The following DNAI3 variants were observed in gnomAD, a reference collection of about 807,000 sequenced individuals.
The protein encoded by DNAI3 is WD repeat domain 63.
In DNAI3, 83 loss-of-function variants were observed where a neutral mutation model predicts 115.5. The observed-to-expected ratio is 0.72, with a 90% confidence interval of 0.60 to 0.86. The LOEUF is 0.86. DNAI3 is among the 40% of genes least tolerant of loss of function. The probability of loss-of-function intolerance (pLI) is 0.00; values close to 1 mark genes in which losing one functional copy is unlikely to be tolerated. For synonymous variants in DNAI3, 320 were observed against 347.0 expected (o/e 0.92, Z 0.86); for missense variants, 1,004 against 1,075.8 (o/e 0.93, Z 0.93).
chr1:85,091,233 G>C (rs975104111), intron 8 of DNAI3, among the ~76,000 whole-genome samples: 1 of 152,152 alleles, frequency 6.6e-6, no homozygotes, highest in Non-Finnish European at 1.5e-5. Flanking sequence ...TATTCAAAAT[G>C]AGAAGTTTGT....
chr1:85,131,403 C>A (rs909463035), intron 22 of DNAI3, among the ~76,000 whole-genome samples: 28 of 142,736 alleles, frequency 2.0e-4, no homozygotes, highest in African/African-American at 7.5e-4. Context: ...GAGATTGTGC[C>A]ATTGCACTCC....
intron 2 of DNAI3, among the ~76,000 whole-genome samples, chr1:85,072,703 C>T (rs1234296536): frequency 1.3e-5 from 2 of 149,532 alleles, no homozygotes; most frequent in East Asian, 3.9e-4. Context: ...CGCCTGTAAT[C>T]CCAGCACTTT....
chr1:85,110,654 C>G (rs914908687), intron 16 of DNAI3, among the ~76,000 whole-genome samples: 2 of 151,934 alleles, frequency 1.3e-5, no homozygotes, highest in Non-Finnish European at 2.9e-5. Flanking sequence ...AAAAAAGATT[C>G]AGTTCATTTC....
At chr1:85,087,427 T>A in intron 7 of DNAI3, among the ~76,000 whole-genome samples, 1 of 87,436 alleles carries the variant, frequency 1.1e-5, no homozygotes, top group African/African-American at 4.7e-5. Flanking sequence ...AGAGCTAGAC[T>A]CCATCTCAAA....
At chr1:85,096,160 G>A in intron 11 of DNAI3, 140 bp downstream of exon 11, 1 of 722,732 alleles carries the variant, frequency 1.4e-6, no homozygotes, top group South Asian at 1.7e-5. Flanking sequence ...CACCACACCA[G>A]GAAGCAGGGT....
chr1:85,128,799 G>A lies in DNAI3; in HGVS notation c.2409G>A (p.Glu803=), dbSNP rs537052335. ...CATTAAGTCGCCCTTCCACCAATGA[G>A]GTTAGTAACTAACTTATGACTTTGA... ...PWTLSRPSTN[E]MASVNHYFER... Residue 803 remains glutamate, a splice_region_variant and synonymous_variant, in exon 21 of 23, where the codon GAG becomes GAA. Coordinates refer to ENST00000294664, the MANE Select transcript of DNAI3 (RefSeq NM_145172.5). 1 of 1,609,460 alleles carries A rather than the reference G, an allele frequency of 6.2e-7. No individual in the cohort carries two copies. Among genetic ancestry groups the A allele is most frequent in the South Asian group, 1.1e-5 (1 of 90,478 alleles).
chr1:85,078,973 A>G (rs1247028187), intron 3 of DNAI3, among the ~76,000 whole-genome samples: 2 of 152,234 alleles, frequency 1.3e-5, no homozygotes, highest in African/African-American at 4.8e-5. Context: ...GGCAGATAAC[A>G]TAGAAAACAA....
rs143304188 is a variant in DNAI3, at chr1:85,130,062, C to T, written c.2482C>T (p.Arg828Cys). The change falls in exon 22 of 23, where the codon CGT (arginine) becomes TGT (cysteine). Residue 828 changes from arginine to cysteine, a missense_variant. This residue lies in a region of DNAI3 where 429 missense variants were observed against 454.3 expected (regional missense o/e 0.94). Coordinates refer to ENST00000294664, the MANE Select transcript of DNAI3 (RefSeq NM_145172.5). ...ATACGTAGAACAGCGCAAAAAAATT[C>T]GTGAGCAAGAAAAGAAAGAAATGGA... ...LEYVEQRKKI[R>C]EQEKKEMELE... 3.8e-5 allele frequency: 62 copies of T among 1,613,412 alleles called. No homozygotes were observed. The highest frequency in any genetic ancestry group is 6.6e-5 in the South Asian group (6 of 90,998).
intron 13 of DNAI3, among the ~76,000 whole-genome samples, chr1:85,102,043 C>T (rs1223219543): frequency 6.6e-6 from 1 of 151,562 alleles, no homozygotes; most frequent in Non-Finnish European, 1.5e-5. Context: ...TAAAAACAAA[C>T]AAACAAAAAA....
At chr1:85,066,314 CTTTTTTTTTT>C (rs57553075) in intron 1 of DNAI3, among the ~76,000 whole-genome samples, 9 of 70,014 alleles carry the variant, frequency 1.3e-4, no homozygotes, top group East Asian at 4.1e-4. Context: ...TTCTGCTACT[CTTTTTTTTTT>C]TTTTTTTTTT....
intron 3 of DNAI3, among the ~76,000 whole-genome samples, chr1:85,080,439 G>C (rs1293877751): frequency 6.6e-6 from 1 of 152,202 alleles, no homozygotes. Context: ...TTGAATGGAT[G>C]CTGGTGGCTG....
rs527315905 is a variant in DNAI3, at chr1:85,082,202, T to C, written c.286-98T>C. 2.2e-4 allele frequency: 204 copies of C among 924,658 alleles called. 2 individuals are homozygous for C. The South Asian group carries it at 3.2e-3, about 14-fold the overall frequency. The allele number at this position is 924,658 out of a possible 1,614,324, so 57.3% of individuals were successfully genotyped here. A position where few individuals can be genotyped will look rare whatever the true frequency, so the allele number is the denominator to read the frequency against. ...AGATTAGCACAATGGTTATCTTCTA[T>C]AATTGGTTGATTAGCGAAATGTGAA... On this transcript the variant is annotated intron_variant, in intron 4 of 22. Transcript: ENST00000294664.
chr1:85,125,890 C>T (rs1157617767), intron 19 of DNAI3, among the ~76,000 whole-genome samples: 1 of 152,144 alleles, frequency 6.6e-6, no homozygotes, highest in Non-Finnish European at 1.5e-5. Flanking sequence ...GAAAACCTCC[C>T]AAAGAAGGCA....
chr1:85,079,899 G>C (rs1001751529), intron 3 of DNAI3, among the ~76,000 whole-genome samples: 7 of 151,904 alleles, frequency 4.6e-5, no homozygotes, highest in Non-Finnish European at 7.4e-5. Flanking sequence ...TGTGTCCAAG[G>C]GTTTATTAAT....
chr1:85,077,498 T>C (rs1481864933), intron 3 of DNAI3, among the ~76,000 whole-genome samples: 4 of 152,202 alleles, frequency 2.6e-5, no homozygotes, highest in East Asian at 1.9e-4. Flanking sequence ...TTTTCTTTTA[T>C]GGAATACTTG....
chr1:85,081,237 A>G lies in DNAI3; in HGVS notation c.107A>G (p.His36Arg), dbSNP rs1357644237. 65 of 1,574,988 alleles carry G rather than the reference A, an allele frequency of 4.1e-5. No individual in the cohort carries two copies. Among genetic ancestry groups the G allele is most frequent in the Non-Finnish European group, 5.3e-5 (62 of 1,168,992 alleles). Residue 36 changes from histidine to arginine, a missense_variant, in exon 4 of 23, where the codon CAT becomes CGT. This residue lies in a region of DNAI3 where 550 missense variants were observed against 568.1 expected (regional missense o/e 0.97). Coordinates refer to ENST00000294664, the MANE Select transcript of DNAI3 (RefSeq NM_145172.5). ...AATTCCACTTTGTCTTTCCTAGGTC[A>G]TCCAGAAATTTATCCTTTAGTATTA... ...MEPVNMESMG[H>R]PEIYPLVLTT...
intron 20 of DNAI3, among the ~76,000 whole-genome samples, 181 bp downstream of exon 20, chr1:85,126,896 C>T (rs1206724149): frequency 6.6e-6 from 1 of 151,924 alleles, no homozygotes; most frequent in East Asian, 1.9e-4. Flanking sequence ...CTTTCCTTCC[C>T]ATCTTTCCTC....
chr1:85,119,120 T>C (rs1248629400), intron 17 of DNAI3, among the ~76,000 whole-genome samples: 1 of 152,216 alleles, frequency 6.6e-6, no homozygotes, highest in South Asian at 2.1e-4. Context: ...TTTAAAAAAT[T>C]TTTTTAATTG....
In DNAI3 at chr1:85,095,803, T is replaced by C; in HGVS notation, c.1174-128T>C. The C allele has an allele frequency of 3.5e-6, 3 of 847,132 alleles. No individual in the cohort carries two copies. In the South Asian group the frequency reaches 4.8e-5, roughly 14 times the overall value. The allele number at this position is 847,132 out of a possible 1,614,324, so 52.5% of individuals were successfully genotyped here. ...TAGTCCAGAGGCAGAACTCTGAGAA[T>C]AGACTCTCTACGCACCTTGCTTATA... On this transcript the variant is annotated intron_variant, in intron 10 of 22. Transcript: ENST00000294664.
Sources: allele counts gnomAD v4.1 joint callset (sites outside exome capture counted in the v4.1 genomes callset), GRCh38; gene constraint gnomAD v4.1.1; regional missense constraint gnomAD v4.1.1; transcripts MANE v1.5; gene names NCBI Gene and HGNC (gene_info 2026-07-23, HGNC 2026-07-21).